GLE1: variants seen among roughly 807,000 people sequenced by gnomAD.
GLE1 encodes GLE1 RNA export mediator.
Under a neutral mutation model 97.3 loss-of-function variants are expected in GLE1, and 78 were observed. The ratio of observed to expected loss-of-function variants is 0.80; its 90% CI spans 0.67 to 0.97. GLE1 has a LOEUF of 0.97. Ranked by LOEUF, GLE1 falls within the 50% of genes least tolerant of loss-of-function variation. GLE1 has a pLI of 0.00. For missense variants in GLE1, 753 were observed against 857.5 expected (o/e 0.88, Z 1.52); for synonymous variants, 302 against 313.4 (o/e 0.96, Z 0.39).
At position 128,536,498 on chromosome 9, in the gene GLE1, G is replaced by C; in HGVS notation, c.1776+14G>C. On this transcript the variant is annotated intron_variant, in intron 12 of 15. Transcript: ENST00000309971. ...AACCGACAGGAGGTAGGTAAAAGAG[G>C]CTTACTGTCAATAATGAGAGGTTAG... 1.9e-6 allele frequency: 3 copies of C among 1,610,150 alleles called. No homozygotes were observed. In the East Asian group the frequency reaches 6.7e-5, roughly 36 times the overall value.
At chr9:128,512,895 C>T (rs948874082) in intron 2 of GLE1, among the ~76,000 whole-genome samples, 6 of 152,108 alleles carry the variant, frequency 3.9e-5, no homozygotes, top group Non-Finnish European at 5.9e-5. Flanking sequence ...GTGATCCACC[C>T]GCCTTGGCCT....
chr9:128,504,734 CT>C lies in GLE1; in HGVS notation c.-70del. The C allele has an allele frequency of 9.5e-7, 1 of 1,048,198 alleles. No individual in the cohort carries two copies. Among genetic ancestry groups the C allele is most frequent in the Non-Finnish European group, 1.5e-6 (1 of 670,644 alleles). 64.9% of individuals were successfully genotyped at this position (1,048,198 alleles called of 1,614,324 possible). ...TCCCGGAAGCAGAAGCCTGTGTGGC[CT>C]TCCCGGCGGCTGATTCGAGGGCTTG... On this transcript the variant is annotated 5_prime_UTR_variant, in exon 1 of 16. Transcript: ENST00000309971.
chr9:128,520,427 T>C (rs1847119911), intron 3 of GLE1, among the ~76,000 whole-genome samples: 1 of 148,126 alleles, frequency 6.8e-6, no homozygotes, highest in Non-Finnish European at 1.5e-5. Flanking sequence ...TATGTATATA[T>C]GTATATATAT....
intron 9 of GLE1, among the ~76,000 whole-genome samples, chr9:128,528,306 CTTTT>C (rs1405724848): frequency 1.5e-5 from 2 of 130,606 alleles, no homozygotes. Flanking sequence ...GCCCAGCCCC[CTTTT>C]TTTTTTTTTT....
chr9:128,526,056 T>C (rs1847291886), intron 7 of GLE1, among the ~76,000 whole-genome samples: 1 of 152,062 alleles, frequency 6.6e-6, no homozygotes, highest in Non-Finnish European at 1.5e-5. Context: ...AGATTTGCTC[T>C]TGTTGCCCAG....
intron 3 of GLE1, among the ~76,000 whole-genome samples, chr9:128,516,148 G>A (rs1192779329): frequency 6.6e-6 from 1 of 151,846 alleles, no homozygotes; most frequent in African/African-American, 2.4e-5. Flanking sequence ...ACTAGAGACG[G>A]GGTTTCACTA....
At chr9:128,532,696 G>A (rs1318611569) in intron 9 of GLE1, 8 of 973,422 alleles carry the variant, frequency 8.2e-6, no homozygotes, top group African/African-American at 5.3e-5. Context: ...TGGCAGGTAC[G>A]CAGCCCCCAC....
At chr9:128,507,604 A>G (rs2132400091) in intron 1 of GLE1, among the ~76,000 whole-genome samples, 1 of 150,334 alleles carries the variant, frequency 6.7e-6, no homozygotes, top group African/African-American at 2.4e-5. Context: ...AAAAAAAAAA[A>G]TAGTCGGGCG....
chr9:128,509,116 T>A lies in GLE1; in HGVS notation c.321+19T>A. ...AACCAAGGTAAGGTTGTGATCAGCT[T>A]AAGACAAAAGACATGGTGGCTGCAA... On this transcript the variant is annotated intron_variant, in intron 2 of 15. Transcript: ENST00000309971. 1 of 1,449,814 alleles carries A rather than the reference T, an allele frequency of 6.9e-7. No homozygotes were observed. The highest frequency in any genetic ancestry group is 9.7e-7 in the Non-Finnish European group (1 of 1,030,208). The allele number at this position is 1,449,814 out of a possible 1,614,324, so 89.8% of individuals were successfully genotyped here. A position where few individuals can be genotyped will look rare whatever the true frequency, so the allele number is the denominator to read the frequency against.
At position 128,522,652 on chromosome 9, in the gene GLE1, A is replaced by G; in HGVS notation, c.433-16A>G. ...TTCCATCTTAAAAAAAAAAAAAAAA[A>G]AAAAAACCTTTTCAGGAGGGCCTGA... On this transcript the variant is annotated splice_polypyrimidine_tract_variant and intron_variant, in intron 3 of 15. Coordinates refer to ENST00000309971, the MANE Select transcript of GLE1 (RefSeq NM_001003722.2). 6.2e-7 allele frequency: 1 copy of G among 1,603,646 alleles called. No individual in the cohort carries two copies. The highest frequency in any genetic ancestry group is 1.7e-5 in the Admixed American group (1 of 57,962).
intron 6 of GLE1, among the ~76,000 whole-genome samples, chr9:128,524,072 CTTTTTTTTT>C (rs67466089): frequency 1.4e-5 from 1 of 69,952 alleles, no homozygotes; most frequent in Admixed American, 2.1e-4. Flanking sequence ...ATTCTGGAGT[CTTTTTTTTT>C]TTTTTTTTTT....
In GLE1 at chr9:128,533,550, C is replaced by T. The variant is rs1029908872; in HGVS notation, c.1350C>T (p.Ser450=). ...AGGAGATCTTTGACAAGATCCACAGCCTGCTCTCTGGAAAACCTGTTCAAT... is the reference window on the plus strand; with the variant it reads ...AGGAGATCTTTGACAAGATCCACAGTCTGCTCTCTGGAAAACCTGTTCAAT... ...KLKEIFDKIH[S]LLSGKPVQSG... Residue 450 remains serine (S), a synonymous_variant, in exon 10 of 16, where the codon AGC becomes AGT. Transcript: ENST00000309971. 8 of 1,612,696 alleles carry T rather than the reference C, an allele frequency of 5.0e-6. No individual in the cohort carries two copies. Among genetic ancestry groups the T allele is most frequent in the Non-Finnish European group, 6.8e-6 (8 of 1,178,910 alleles).
In GLE1 at chr9:128,536,417, T is replaced by C; in HGVS notation, c.1709T>C (p.Met570Thr). The stretch of plus-strand genomic sequence containing the variant: ...CAGCAAGACAACTTTCTAAAACGCA[T>C]GTCAGGGATGATCCGTCTCTACGCT... ...VEQQDNFLKR[M>T]SGMIRLYAAI... The change falls in exon 12 of 16, where the codon ATG (methionine) becomes ACG (threonine). Residue 570 changes from methionine to threonine, a missense_variant. Physicochemically the swap from Met to Thr is moderately conservative, Grantham distance 81. Transcript: ENST00000309971. The C allele has an allele frequency of 6.2e-7, 1 of 1,613,964 alleles. No homozygotes were observed. Among genetic ancestry groups the C allele is most frequent in the Non-Finnish European group, 8.5e-7 (1 of 1,179,902 alleles).
rs1847593039 is a variant in GLE1 at position 128,533,529 on chromosome 9, G to T, written c.1329G>T (p.Glu443Asp). Residue 443 changes from glutamate (E) to aspartate (D), a missense_variant, in exon 10 of 16, where the codon GAG (glutamate) becomes GAT (aspartate). By Grantham distance (45) the Glu-to-Asp change is conservative. Transcript: ENST00000309971. ...CATGCTCAGGCTCAAAACTGAAGGAGATCTTTGACAAGATCCACAGCCTGC... is the reference window on the plus strand; with the variant it reads ...CATGCTCAGGCTCAAAACTGAAGGATATCTTTGACAAGATCCACAGCCTGC... The part of the protein sequence containing the change: ...ISTIAGSKLK[E>D]IFDKIHSLLS... 6.2e-7 allele frequency: 1 copy of T among 1,611,370 alleles called. No homozygotes were observed. Among genetic ancestry groups the T allele is most frequent in the Non-Finnish European group, 8.5e-7 (1 of 1,178,424 alleles).
chr9:128,538,031 A>G lies in GLE1; in HGVS notation c.1822A>G (p.Ile608Val). The change falls in exon 13 of 16, where the codon ATC becomes GTC. Residue 608 changes from isoleucine to valine, a missense_variant. By Grantham distance (29) the Ile-to-Val change is conservative. Coordinates refer to ENST00000309971, the MANE Select transcript of GLE1 (RefSeq NM_001003722.2). The stretch of plus-strand genomic sequence containing the variant: ...TCATGGATGGCGCTGGTTGGCACAG[A>G]TCTTAAACATGGAGCCCTTGTCAGA... ...LNHGWRWLAQ[I>V]LNMEPLSDVT... is the part of the protein sequence containing the mutation. The G allele has an allele frequency of 6.2e-7, 1 of 1,613,194 alleles. No homozygotes were observed. The highest frequency in any genetic ancestry group is 8.5e-7 in the Non-Finnish European group (1 of 1,179,158).
In GLE1 at chr9:128,515,568, C is replaced by G. The variant is rs750559006; in HGVS notation, c.361C>G (p.Gln121Glu). Residue 121 changes from glutamine to glutamate, a missense_variant, in exon 3 of 16, where the codon CAG becomes GAG. By Grantham distance (29) the Gln-to-Glu change is conservative. Transcript: ENST00000309971. ...CCAGCACACAGAATCTATGGTACTT[C>G]AGTCCTCACGGGGGATCAAAGTGGA... ...ESQHTESMVL[Q>E]SSRGIKVEGC... The G allele has an allele frequency of 1.4e-5, 22 of 1,606,252 alleles. No homozygotes were observed. In the African/African-American group the frequency reaches 2.1e-4, roughly 16 times the overall value.
At position 128,515,585 on chromosome 9, in the gene GLE1, C is replaced by G. The variant is rs1243124415; in HGVS notation, c.378C>G (p.Ile126Met). 3 of 1,609,688 alleles carry G rather than the reference C, an allele frequency of 1.9e-6. No homozygotes were observed. The highest frequency in any genetic ancestry group is 2.6e-6 in the Non-Finnish European group (3 of 1,176,004). The change falls in exon 3 of 16, where the codon ATC becomes ATG. Residue 126 changes from isoleucine to methionine, a missense_variant. Ile to Met is a conservative substitution (Grantham distance 10). Coordinates refer to ENST00000309971, the MANE Select transcript of GLE1 (RefSeq NM_001003722.2). ...ESMVLQSSRGIKVEGCVRMYE... is the reference protein window; with the variant it reads ...ESMVLQSSRGMKVEGCVRMYE... ...TGGTACTTCAGTCCTCACGGGGGAT[C>G]AAAGTGGAAGGCTGCGTCCGAATGT... is the stretch of plus-strand genomic sequence containing the variant.
chr9:128,527,226 C>A lies in GLE1; in HGVS notation c.1177C>A (p.Leu393Met). ...CATTACAATGCAGTGGTACCAGCAG[C>A]TGCAGGATGCTTCCATGCAGTGTGT... is the stretch of plus-strand genomic sequence containing the variant. ...QDITMQWYQQ[L>M]QDASMQCVLT... The change falls in exon 8 of 16, where the codon CTG becomes ATG. Residue 393 changes from leucine (L) to methionine (M), a missense_variant. Transcript: ENST00000309971. The A allele has an allele frequency of 7.4e-6, 12 of 1,612,192 alleles. No homozygotes were observed. The highest frequency in any genetic ancestry group is 1.0e-5 in the Non-Finnish European group (12 of 1,178,200).
chr9:128,519,026 C>T (rs905382546), intron 3 of GLE1, among the ~76,000 whole-genome samples: 1 of 152,192 alleles, frequency 6.6e-6, no homozygotes, highest in East Asian at 1.9e-4. Flanking sequence ...GTCTTTACTG[C>T]AATCTCTAAA....
Sources: allele counts gnomAD v4.1 joint callset (sites outside exome capture counted in the v4.1 genomes callset), GRCh38; gene constraint gnomAD v4.1.1; transcripts MANE v1.5; gene names NCBI Gene and HGNC (gene_info 2026-07-23, HGNC 2026-07-21).